Variants in TBC1D12 observed in about 807,000 individuals in gnomAD.
TBC1D12 encodes TBC1 domain family member 12, also known as TBC1 domain family, member 12.
TBC1D12 carries 56 observed loss-of-function variants against 86.7 expected under a neutral mutation model. That is an observed-to-expected ratio of 0.65 (90% CI 0.52 to 0.81). The LOEUF (loss-of-function observed/expected upper bound fraction) is 0.81. Among genes scored for constraint, TBC1D12 ranks in the 30% least tolerant of loss-of-function variants. The pLI is 0.00. For missense variants in TBC1D12, 1,023 were observed against 1,038.8 expected, an observed-to-expected ratio of 0.98 and a Z score of 0.21; for synonymous variants, 421 against 411.7, an observed-to-expected ratio of 1.02 and a Z score of -0.27.
chr10:94,510,106 A>T lies in TBC1D12; in HGVS notation c.1616A>T (p.Asp539Val). The stretch of plus-strand genomic sequence containing the variant: ...GTAAATGCAGGTGTATCTGTTGCTG[A>T]TCGAGAGGCCAGTCTGGAATTAATT... ...ENDTEGVSVA[D>V]REASLELIKL... Residue 539 changes from aspartate (D) to valine (V), a missense_variant, in exon 8 of 13, where the codon GAT becomes GTT. Physicochemically the swap from Asp to Val is radical, Grantham distance 152. Transcript: ENST00000225235. 6.2e-7 allele frequency: 1 copy of T among 1,609,260 alleles called. No individual in the cohort carries two copies.
chr10:94,435,123 T>A (rs1253022298), intron 1 of TBC1D12, among the ~76,000 whole-genome samples: 1 of 152,212 alleles, frequency 6.6e-6, no homozygotes, highest in Non-Finnish European at 1.5e-5. Context: ...TTTTTGGATT[T>A]TGAGTAGGTT....
chr10:94,487,658 T>C (rs1286559561), intron 3 of TBC1D12, among the ~76,000 whole-genome samples: 2 of 151,606 alleles, frequency 1.3e-5, no homozygotes, highest in Non-Finnish European at 2.9e-5. Context: ...TAAAAAAACT[T>C]TTTGTTGTTT....
chr10:94,405,635 C>T (rs1009153337), intron 1 of TBC1D12, among the ~76,000 whole-genome samples: 2 of 152,046 alleles, frequency 1.3e-5, no homozygotes, highest in Non-Finnish European at 2.9e-5. Context: ...AATTTTAGAT[C>T]TGGGAGGGGC....
rs1254707934 is a variant in TBC1D12, at chr10:94,419,164, C to T, written c.971+15580C>T. On this transcript the variant is annotated intron_variant, in intron 1 of 12. Coordinates refer to ENST00000225235, the MANE Select transcript of TBC1D12 (RefSeq NM_015188.2). ...CTGGGATTACAGGCGTGAGTCACCG[C>T]GCCTGGCCTCCCAGCCATTTTTTTG... Among the ~76,000 whole-genome samples, 4 of 152,272 alleles carry T rather than the reference C, an allele frequency of 2.6e-5. No individual in the cohort carries two copies. The South Asian group carries it at 8.3e-4, about 32-fold the overall frequency.
chr10:94,519,126 C>T (rs1421817473), intron 9 of TBC1D12, among the ~76,000 whole-genome samples: 10 of 152,140 alleles, frequency 6.6e-5, no homozygotes. Context: ...GGTATTATGC[C>T]ATTGCTTAAT....
intron 12 of TBC1D12, among the ~76,000 whole-genome samples, chr10:94,532,264 G>A (rs1277451911): frequency 3.3e-5 from 5 of 151,930 alleles, no homozygotes; most frequent in African/African-American, 7.3e-5. Flanking sequence ...TACAACCACC[G>A]TCTCCCGGGT....
intron 6 of TBC1D12, among the ~76,000 whole-genome samples, chr10:94,502,727 A>G (rs969752219): frequency 2.0e-5 from 3 of 152,202 alleles, no homozygotes; most frequent in African/African-American, 7.2e-5. Context: ...AATGTGCTAA[A>G]TTGGTCTAAA....
In TBC1D12 at chr10:94,402,835, C is replaced by A. The variant is rs529499164; in HGVS notation, c.222C>A (p.Leu74=). 3.9e-6 allele frequency: 6 copies of A among 1,538,094 alleles called. No homozygotes were observed. Among genetic ancestry groups the A allele is most frequent in the Non-Finnish European group, 5.3e-6 (6 of 1,142,414 alleles). ...TPPRQLLQRY[L]AAAGEQLEPG... is the part of the protein sequence containing the mutation. Reference sequence around the variant, plus strand: ...CTCGGCAGCTCCTTCAGCGTTACCTCGCGGCGGCCGGGGAGCAGCTGGAGC... The same window carrying A: ...CTCGGCAGCTCCTTCAGCGTTACCTAGCGGCGGCCGGGGAGCAGCTGGAGC... Residue 74 remains leucine (L), a synonymous_variant, in exon 1 of 13, where the codon CTC becomes CTA. Coordinates refer to ENST00000225235, the MANE Select transcript of TBC1D12 (RefSeq NM_015188.2).
intron 1 of TBC1D12, among the ~76,000 whole-genome samples, chr10:94,418,758 A>G (rs2055034770): frequency 1.3e-5 from 2 of 151,130 alleles, no homozygotes; most frequent in South Asian, 4.2e-4. Flanking sequence ...TTTCTAGTAG[A>G]GGTGAGGTTT....
rs1398705945 is a variant in TBC1D12, at chr10:94,417,235, C to G, written c.971+13651C>G. Among the ~76,000 whole-genome samples the G allele has an allele frequency of 2.0e-5, 3 of 151,994 alleles. No homozygotes were observed. In the East Asian group the frequency reaches 5.8e-4, roughly 29 times the overall value. On this transcript the variant is annotated intron_variant, in intron 1 of 12. Transcript: ENST00000225235. ...AGTCTCCTTTTCACAATGTGATATA[C>G]AGATAGTTGATGTAAATAACATTTT...
chr10:94,525,198 G>A (rs1421499121), intron 11 of TBC1D12, among the ~76,000 whole-genome samples: 1 of 152,140 alleles, frequency 6.6e-6, no homozygotes, highest in African/African-American at 2.4e-5. Context: ...TTTAGAACTG[G>A]AAGTAATCCA....
chr10:94,414,852 G>A lies in TBC1D12; in HGVS notation c.971+11268G>A, dbSNP rs147094919. Among the ~76,000 whole-genome samples the A allele has an allele frequency of 8.1e-3, 1,228 of 152,126 alleles. 16 individuals carry two copies. Among genetic ancestry groups the A allele is most frequent in the African/African-American group, 0.027 (1,105 of 41,474 alleles). On this transcript the variant is annotated intron_variant, in intron 1 of 12. Transcript: ENST00000225235. ...TGACCTGAAGTGATCCGCCCACTGC[G>A]GCCTCCCAAAGTGCTGGGATTACAG...
chr10:94,403,617 G>A, intron 1 of TBC1D12, 33 bp downstream of exon 1: 1 of 1,420,872 alleles, frequency 7.0e-7, no homozygotes, highest in Non-Finnish European at 9.1e-7. Context: ...CTCGGGGCGG[G>A]TCCGGGGCCG....
chr10:94,446,515 T>G (rs1222512982), intron 2 of TBC1D12, among the ~76,000 whole-genome samples: 1 of 152,150 alleles, frequency 6.6e-6, no homozygotes, highest in Non-Finnish European at 1.5e-5. Context: ...TTAAAGCAGG[T>G]CTTCAGAAAG....
chr10:94,423,592 C>A (rs1448410428), intron 1 of TBC1D12, among the ~76,000 whole-genome samples: 3 of 152,052 alleles, frequency 2.0e-5, no homozygotes, highest in Non-Finnish European at 4.4e-5. Flanking sequence ...AGGTGGTCTG[C>A]CTGCCTCAGC....
chr10:94,449,751 A>G (rs1258772556), intron 2 of TBC1D12, among the ~76,000 whole-genome samples: 2 of 152,208 alleles, frequency 1.3e-5, no homozygotes, highest in East Asian at 1.9e-4. Context: ...ATCAGGGTAT[A>G]TATCAGGCAA....
intron 1 of TBC1D12, among the ~76,000 whole-genome samples, chr10:94,404,770 C>T (rs1234550298): frequency 6.6e-6 from 1 of 151,482 alleles, no homozygotes; most frequent in Non-Finnish European, 1.5e-5. Flanking sequence ...CTTAATACAC[C>T]TTACTGTAAG....
intron 1 of TBC1D12, among the ~76,000 whole-genome samples, chr10:94,416,939 C>T (rs2055006921): frequency 6.6e-6 from 1 of 152,106 alleles, no homozygotes; most frequent in African/African-American, 2.4e-5. Context: ...TGGATGATTG[C>T]CTCTAGGGTG....
chr10:94,457,241 G>T (rs1056270219), intron 2 of TBC1D12, among the ~76,000 whole-genome samples: 19 of 151,992 alleles, frequency 1.3e-4, no homozygotes, highest in African/African-American at 4.4e-4. Context: ...TTGTCCTAAT[G>T]CTCTCCCTCC....
Sources: allele counts gnomAD v4.1 joint callset (sites outside exome capture counted in the v4.1 genomes callset), GRCh38; gene constraint gnomAD v4.1.1; transcripts MANE v1.5; gene names NCBI Gene and HGNC (gene_info 2026-07-23, HGNC 2026-07-21).